Variants in EPHA5 observed in about 807,000 individuals in gnomAD.
EPHA5 encodes ephrin type-A receptor 5.
EPHA5 carries 60 observed loss-of-function variants against 105.0 expected under a neutral mutation model. The observed-to-expected ratio is 0.57, with a 90% CI of 0.46 to 0.71. EPHA5 has a LOEUF of 0.71. Among genes scored for constraint, EPHA5 ranks in the 30% least tolerant of loss-of-function variants. The pLI, the probability that EPHA5 is intolerant of heterozygous loss-of-function variation, is 0.00. For missense variants in EPHA5, 1,218 were observed against 1,274.7 expected, an observed-to-expected ratio of 0.96 and a Z score of 0.68; for synonymous variants, 513 against 449.1, an observed-to-expected ratio of 1.14 and a Z score of -1.80.
At chr4:65,545,011 G>A (rs1020509102) in intron 3 of EPHA5, among the ~76,000 whole-genome samples, 1 of 150,518 alleles carries the variant, frequency 6.6e-6, no homozygotes, top group African/African-American at 2.4e-5. Context: ...TCTAAACTAT[G>A]TTTCAACAAA....
chr4:65,610,372 G>T (rs1401390826), intron 2 of EPHA5, among the ~76,000 whole-genome samples: 1 of 152,020 alleles, frequency 6.6e-6, no homozygotes, highest in African/African-American at 2.4e-5. Flanking sequence ...GCTTGACAGA[G>T]GAGTGTGTGT....
intron 3 of EPHA5, among the ~76,000 whole-genome samples, chr4:65,548,795 C>G (rs1292758708): frequency 2.0e-5 from 3 of 152,060 alleles, no homozygotes; most frequent in African/African-American, 7.2e-5. Flanking sequence ...AAGCTAGAAA[C>G]TCTCATGTTC....
chr4:65,409,346 A>AAAAT (rs373265971), intron 7 of EPHA5, among the ~76,000 whole-genome samples: 407 of 134,232 alleles, frequency 3.0e-3, no homozygotes, highest in African/African-American at 9.0e-3. Context: ...ATAATAATAA[A>AAAAT]AAATAAATAA....
intron 7 of EPHA5, among the ~76,000 whole-genome samples, chr4:65,412,219 C>T (rs1433585251): frequency 6.6e-6 from 1 of 152,130 alleles, no homozygotes; most frequent in East Asian, 1.9e-4. Flanking sequence ...TAGAGTGAGA[C>T]TCTCTCAATA....
intron 4 of EPHA5, 138 bp downstream of exon 4, chr4:65,495,250 G>A (rs1731806781): frequency 3.4e-6 from 3 of 877,408 alleles, no homozygotes; most frequent in Non-Finnish European, 5.0e-6. Context: ...ATTGAAAATT[G>A]GTGAAAACTG....
chr4:65,611,811 C>T (rs761676159), intron 2 of EPHA5, among the ~76,000 whole-genome samples: 1 of 151,554 alleles, frequency 6.6e-6, no homozygotes, highest in Non-Finnish European at 1.5e-5. Context: ...CACATTAGGG[C>T]TGTTAGCTTT....
chr4:65,524,429 C>G, intron 3 of EPHA5, among the ~76,000 whole-genome samples: 1 of 151,740 alleles, frequency 6.6e-6, no homozygotes, highest in East Asian at 1.9e-4. Context: ...ATAGTCTGTA[C>G]ATTTACATAC....
At chr4:65,639,888 A>G (rs1429265576) in intron 2 of EPHA5, among the ~76,000 whole-genome samples, 1 of 152,044 alleles carries the variant, frequency 6.6e-6, no homozygotes, top group African/African-American at 2.4e-5. Flanking sequence ...ATTTGTTTTT[A>G]TACTTTTCAA....
chr4:65,570,762 C>T (rs1740049279), intron 3 of EPHA5, among the ~76,000 whole-genome samples: 2 of 151,962 alleles, frequency 1.3e-5, no homozygotes, highest in Non-Finnish European at 2.9e-5. Context: ...TAACCATTGT[C>T]ATGATTTTTA....
At chr4:65,646,242 A>G (rs949445716) in intron 1 of EPHA5, among the ~76,000 whole-genome samples, 2 of 152,142 alleles carry the variant, frequency 1.3e-5, no homozygotes, top group Admixed American at 1.3e-4. Context: ...TCCTATCTCT[A>G]AAACACTGAA....
At chr4:65,586,405 T>C (rs1242996255) in intron 3 of EPHA5, among the ~76,000 whole-genome samples, 1 of 151,764 alleles carries the variant, frequency 6.6e-6, no homozygotes, top group Non-Finnish European at 1.5e-5. Context: ...GTCATATGAA[T>C]ATAATTAGTT....
chr4:65,474,678 T>C (rs1729622173), intron 5 of EPHA5, among the ~76,000 whole-genome samples: 1 of 152,204 alleles, frequency 6.6e-6, no homozygotes, highest in Admixed American at 6.5e-5. Context: ...AAGATATTGG[T>C]GTTTTGCAGC....
intron 3 of EPHA5, among the ~76,000 whole-genome samples, chr4:65,570,299 C>A (rs139333576): frequency 1.2e-3 from 175 of 151,986 alleles, no homozygotes; most frequent in African/African-American, 4.1e-3. Context: ...AAGCTATTTT[C>A]TTTAATCTCA....
intron 3 of EPHA5, among the ~76,000 whole-genome samples, chr4:65,569,156 C>CA (rs1470348425): frequency 6.6e-6 from 1 of 151,274 alleles, no homozygotes; most frequent in Non-Finnish European, 1.5e-5. Flanking sequence ...TTAAAAGACA[C>CA]AAAAAAATTT....
chr4:65,501,925 A>G (rs1732528938), intron 3 of EPHA5, among the ~76,000 whole-genome samples: 3 of 151,742 alleles, frequency 2.0e-5, no homozygotes, highest in African/African-American at 7.2e-5. Context: ...ATGGAACATA[A>G]TAGAGAATCC....
chr4:65,566,983 A>G (rs1230137487), intron 3 of EPHA5, among the ~76,000 whole-genome samples: 1 of 151,618 alleles, frequency 6.6e-6, no homozygotes, highest in African/African-American at 2.4e-5. Context: ...TACTTAATAT[A>G]AAAGAACTAT....
chr4:65,486,160 A>G (rs1228241832), intron 5 of EPHA5, among the ~76,000 whole-genome samples: 2 of 152,128 alleles, frequency 1.3e-5, no homozygotes, highest in Admixed American at 6.6e-5. Context: ...TTCACAGTGA[A>G]GTTCGAAGTT....
chr4:65,521,161 A>G (rs9761922), intron 3 of EPHA5, among the ~76,000 whole-genome samples: 34,563 of 152,088 alleles, frequency 0.23, 4,094 homozygotes, highest in African/African-American at 0.28. Context: ...TTAAGAAAAT[A>G]TGGCACATAT....
chr4:65,630,741 C>T (rs569733709), intron 2 of EPHA5, among the ~76,000 whole-genome samples: 6 of 152,250 alleles, frequency 3.9e-5, no homozygotes, highest in South Asian at 2.1e-4. Flanking sequence ...TGTACAGATT[C>T]GCCGCTGGTA....
Sources: gnomAD v4.1 joint callset for allele counts (sites outside exome capture counted in the v4.1 genomes callset) on GRCh38, gnomAD v4.1.1 for gene constraint, MANE v1.5 for transcripts, NCBI Gene and HGNC (gene_info 2026-07-23, HGNC 2026-07-21) for gene names.